The following GNG2 variants were observed in gnomAD, a reference collection of about 807,000 sequenced individuals.
The protein encoded by GNG2 is G protein subunit gamma 2.
In GNG2, 5 loss-of-function variants were observed where a neutral mutation model predicts 5.5. That is an observed-to-expected ratio of 0.91 (90% CI 0.48 to 1.92). GNG2 has a LOEUF of 1.92. GNG2 is among the 30% of genes most tolerant of loss of function. The probability of loss-of-function intolerance (pLI) is 0.01; values close to 1 mark genes in which losing one functional copy is unlikely to be tolerated. For missense variants in GNG2, 55 were observed against 88.4 expected (o/e 0.62, Z 1.52); for synonymous variants, 28 against 32.0 (o/e 0.88, Z 0.42).
intron 2 of GNG2, among the ~76,000 whole-genome samples, chr14:51,914,961 G>A (rs1886529294): frequency 6.6e-6 from 1 of 152,162 alleles, no homozygotes; most frequent in African/African-American, 2.4e-5. Flanking sequence ...CATCAGGCAA[G>A]GCCAAAAAGC....
chr14:51,966,482 A>C, intron 3 of GNG2, 77 bp from the exon 4 acceptor site: 2 of 1,242,486 alleles, frequency 1.6e-6, no homozygotes, highest in Non-Finnish European at 1.2e-6. Context: ...TGATGCCAGG[A>C]CATTGGGCTC....
intron 2 of GNG2, among the ~76,000 whole-genome samples, chr14:51,829,580 ATC>A (rs1439499661): frequency 1.3e-5 from 2 of 152,000 alleles, no homozygotes; most frequent in East Asian, 3.9e-4. Flanking sequence ...TAAAAACCCT[ATC>A]TTGATCCCAT....
chr14:51,845,329 A>G (rs925997300), intron 2 of GNG2, among the ~76,000 whole-genome samples: 4 of 152,170 alleles, frequency 2.6e-5, no homozygotes, highest in Non-Finnish European at 4.4e-5. Flanking sequence ...TATATCTACA[A>G]AAAAATACCA....
chr14:51,937,266 A>C (rs1349915441), intron 2 of GNG2, among the ~76,000 whole-genome samples: 1 of 152,254 alleles, frequency 6.6e-6, no homozygotes, highest in Non-Finnish European at 1.5e-5. Flanking sequence ...AAAGATGGAA[A>C]ATAAAGTTTG....
chr14:51,852,430 G>A (rs759026692), intron 2 of GNG2, among the ~76,000 whole-genome samples: 10 of 152,214 alleles, frequency 6.6e-5, no homozygotes, highest in Non-Finnish European at 1.5e-4. Flanking sequence ...GACTGAGTAA[G>A]ACATTACCTA....
chr14:51,939,373 C>G (rs904012712), intron 2 of GNG2, among the ~76,000 whole-genome samples: 1 of 152,134 alleles, frequency 6.6e-6, no homozygotes, highest in Non-Finnish European at 1.5e-5. Flanking sequence ...TTGTTAGAAA[C>G]AGCTAACCAA....
At chr14:51,875,193 G>C (rs1349141917) in intron 1 of GNG2, among the ~76,000 whole-genome samples, 1 of 152,182 alleles carries the variant, frequency 6.6e-6, no homozygotes, top group East Asian at 1.9e-4. Flanking sequence ...ATCATGCAGG[G>C]AGCCAGGCTC....
chr14:51,943,038 A>G (rs1021822096), intron 2 of GNG2, among the ~76,000 whole-genome samples: 1 of 152,016 alleles, frequency 6.6e-6, no homozygotes, highest in Non-Finnish European at 1.5e-5. Context: ...CCCTGACTCC[A>G]TTTACCTCTG....
chr14:51,853,831 T>A (rs73291053), intron 2 of GNG2, among the ~76,000 whole-genome samples: 12,721 of 152,194 alleles, frequency 0.084, 621 homozygotes, highest in Middle Eastern at 0.18. Flanking sequence ...TGTCACACTT[T>A]GCTGCTAACT....
At chr14:51,868,229 T>C (rs940909594) in intron 1 of GNG2, among the ~76,000 whole-genome samples, 30 of 152,338 alleles carry the variant, frequency 2.0e-4, no homozygotes, top group African/African-American at 6.7e-4. Context: ...GGTTGTTTTC[T>C]TGAAACTTAC....
intron 2 of GNG2, among the ~76,000 whole-genome samples, chr14:51,885,381 ATAAG>A (rs1884377954): frequency 6.6e-6 from 1 of 152,182 alleles, no homozygotes; most frequent in South Asian, 2.1e-4. Flanking sequence ...TATTTGGAAA[ATAAG>A]TGAGTGCTTT....
intron 2 of GNG2, among the ~76,000 whole-genome samples, chr14:51,908,736 ATTTTTTTTT>A (rs3030340): frequency 1.1e-5 from 1 of 89,878 alleles, no homozygotes; most frequent in African/African-American, 4.2e-5. Context: ...CACCCAGCTA[ATTTTTTTTT>A]TTTTTTTTTT....
intron 1 of GNG2, among the ~76,000 whole-genome samples, chr14:51,864,273 G>A (rs1198325041): frequency 6.6e-6 from 1 of 152,062 alleles, no homozygotes; most frequent in Admixed American, 6.6e-5. Flanking sequence ...TAGTGATGTT[G>A]AGCATCTTTT....
chr14:51,838,795 T>A (rs904564262), intron 2 of GNG2, among the ~76,000 whole-genome samples: 1 of 152,100 alleles, frequency 6.6e-6, no homozygotes, highest in Non-Finnish European at 1.5e-5. Context: ...TCCCAGGTAC[T>A]CAAGAGGCTA....
At chr14:51,857,444 T>C (rs1336589891), upstream of GNG2, among the ~76,000 whole-genome samples, 2 of 152,146 alleles carry the variant, frequency 1.3e-5, no homozygotes, top group Non-Finnish European at 2.9e-5. Flanking sequence ...AGGCTTTGTA[T>C]GCCATGCAGA....
chr14:51,871,822 A>T (rs1883315125), intron 1 of GNG2, among the ~76,000 whole-genome samples: 1 of 152,166 alleles, frequency 6.6e-6, no homozygotes, highest in African/African-American at 2.4e-5. Flanking sequence ...TGACTTCATG[A>T]AGTAATAGTC....
chr14:51,902,683 A>G (rs1397535840), intron 2 of GNG2, among the ~76,000 whole-genome samples: 3 of 152,158 alleles, frequency 2.0e-5, no homozygotes, highest in South Asian at 4.1e-4. Context: ...CTTGAATCCA[A>G]GAGTTCAAGA....
At chr14:51,917,977 G>A (rs1214491184) in intron 2 of GNG2, among the ~76,000 whole-genome samples, 1 of 147,664 alleles carries the variant, frequency 6.8e-6, no homozygotes, top group African/African-American at 2.5e-5. Context: ...ACTGCGCCGA[G>A]ATCGTGTCAC....
At chr14:51,852,441 T>C (rs895390115) in intron 2 of GNG2, among the ~76,000 whole-genome samples, 52 of 152,364 alleles carry the variant, frequency 3.4e-4, no homozygotes, top group African/African-American at 1.1e-3. Context: ...ACATTACCTA[T>C]GAATTCTAGG....
Sources: allele counts gnomAD v4.1 joint callset (sites outside exome capture counted in the v4.1 genomes callset), GRCh38; gene constraint gnomAD v4.1.1; transcripts MANE v1.5; gene names NCBI Gene and HGNC (gene_info 2026-07-23, HGNC 2026-07-21).